Variants in NAF1 observed in about 807,000 individuals in gnomAD.
The protein encoded by NAF1 is H/ACA ribonucleoprotein complex non-core subunit NAF1.
In NAF1, 11 loss-of-function variants were observed where a neutral mutation model predicts 40.6. The observed-to-expected ratio is 0.27, with a 90% CI of 0.17 to 0.45. The LOEUF (loss-of-function observed/expected upper bound fraction) is 0.45. Ranked by LOEUF, NAF1 falls within the 20% of genes least tolerant of loss-of-function variation. The pLI, the probability that NAF1 is intolerant of heterozygous loss-of-function variation, is 1.00. For synonymous variants in NAF1, 260 were observed against 228.5 expected, an observed-to-expected ratio of 1.14 and a Z score of -1.24; for missense variants, 607 against 611.1, an observed-to-expected ratio of 0.99 and a Z score of 0.07.
At chr4:163,135,021 A>G (rs1731001942) in intron 6 of NAF1, 1 of 152,202 alleles carries the variant, frequency 6.6e-6, no homozygotes, top group African/African-American at 2.4e-5. Flanking sequence ...AATTAATTCA[A>G]ATTTCCATTC....
intron 2 of NAF1, among the ~76,000 whole-genome samples, chr4:163,157,919 T>C (rs1732054762): frequency 6.6e-6 from 1 of 152,108 alleles, no homozygotes; most frequent in Non-Finnish European, 1.5e-5. Flanking sequence ...GTAACATTTA[T>C]AATTTACAAC....
At position 163,166,581 on chromosome 4, in the gene NAF1, C is replaced by A; in HGVS notation, c.147G>T (p.Gly49=). The A allele has an allele frequency of 6.2e-7, 1 of 1,610,610 alleles. No homozygotes were observed. The highest frequency in any genetic ancestry group is 8.5e-7 in the Non-Finnish European group (1 of 1,179,040). The change falls in exon 1 of 8, where the codon GGG becomes GGT. Residue 49 remains glycine, a synonymous_variant. Coordinates refer to ENST00000274054, the MANE Select transcript of NAF1 (RefSeq NM_138386.3). ...CCACGGTCTGCCCAGCGTCCGGGGA[C>A]CCCTCAAACGACTGTAGCGGCGGCT... The part of the protein sequence containing the change: ...GTQPPLQSFE[G]SPDAGQTVEV...
chr4:163,115,639 A>G (rs962182248), intron 2 of NAF1, among the ~76,000 whole-genome samples: 2 of 152,194 alleles, frequency 1.3e-5, no homozygotes, highest in Non-Finnish European at 2.9e-5. Context: ...AAGGTTGGGC[A>G]GTATTTTTGC....
At chr4:163,126,219 T>C (rs199518625), downstream of NAF1, among the ~76,000 whole-genome samples, 2 of 152,214 alleles carry the variant, frequency 1.3e-5, no homozygotes, top group East Asian at 3.8e-4. Context: ...TGCAAGGCTA[T>C]AGCTGTCACA....
rs543840905 is a variant in NAF1 at position 163,115,010 on chromosome 4, T to C, written c.115-4720A>G. 3.9e-5 allele frequency among the ~76,000 whole-genome samples: 6 copies of C among 152,214 alleles called. No individual in the cohort carries two copies. The South Asian group carries it at 1.0e-3, about 26-fold the overall frequency. ...CATTTTATTGGCATAAAGTTATTCA[T>C]AATATCATCCTATTTCCTATGACGG... On this transcript the variant is annotated intron_variant, in intron 2 of 2. Coordinates refer to the NAF1 transcript ENST00000509434.
chr4:163,161,334 G>A (rs1006898170), intron 2 of NAF1, among the ~76,000 whole-genome samples: 2 of 152,228 alleles, frequency 1.3e-5, no homozygotes, highest in East Asian at 1.9e-4. Flanking sequence ...TTAGCAAGGC[G>A]TGGTGGTGGG....
intron 2 of NAF1, among the ~76,000 whole-genome samples, chr4:163,150,833 G>C (rs887402309): frequency 6.6e-6 from 1 of 152,036 alleles, no homozygotes; most frequent in African/African-American, 2.4e-5. Context: ...AATTTTGACA[G>C]TTACTGCTAA....
Position 163,130,969 on chromosome 4 carries a change from C to A in NAF1, c.1034-1621G>T, listed in dbSNP as rs571977424. Among the ~76,000 whole-genome samples, 50 of 152,318 alleles carry A rather than the reference C, an allele frequency of 3.3e-4. No homozygotes were observed. The South Asian group carries it at 7.3e-3, about 22-fold the overall frequency. The stretch of plus-strand genomic sequence containing the variant: ...TCTCAGCTCACTGCAACCTCCGCTG[C>A]CCGGGTCCCAGCTGACGCAATTCTC... On this transcript the variant is annotated intron_variant, in intron 7 of 7. Transcript: ENST00000274054.
Position 163,166,842 on chromosome 4 carries a change from A to T in NAF1, c.-115T>A. Reference sequence around the variant, plus strand: ...AACCGCAGCAACACTGCCTGGGCCCAACTTCCCGCGTTTCTCAGGTAACTA... The same window carrying T: ...AACCGCAGCAACACTGCCTGGGCCCTACTTCCCGCGTTTCTCAGGTAACTA... On this transcript the variant is annotated 5_prime_UTR_variant, in exon 1 of 8. Transcript: ENST00000274054. 1 of 1,393,346 alleles carries T rather than the reference A, an allele frequency of 7.2e-7. No individual in the cohort carries two copies. The highest frequency in any genetic ancestry group is 1.5e-5 in the South Asian group (1 of 67,816). 86.3% of individuals were successfully genotyped at this position (1,393,346 alleles called of 1,614,324 possible).
At chr4:163,122,006 C>G (rs1730531609), downstream of NAF1, among the ~76,000 whole-genome samples, 3 of 152,184 alleles carry the variant, frequency 2.0e-5, no homozygotes. Context: ...AAGCATTGAG[C>G]CAGTTTAACA....
At chr4:163,119,589 C>G (rs1730455962) in intron 2 of NAF1, 1 of 152,148 alleles carries the variant, frequency 6.6e-6, no homozygotes, top group South Asian at 2.1e-4. Context: ...GTCTTCTTAG[C>G]AAGACTAAAC....
chr4:163,110,238 C>A (rs1182686751), exon 3 of NAF1: 1 of 700,138 alleles, frequency 1.4e-6, no homozygotes, highest in Non-Finnish European at 2.6e-6. Flanking sequence ...GTACTCTCCC[C>A]TCATCTGTGC....
rs201172406 is a variant in NAF1, at chr4:163,115,199, A to ATTTTTTTTTTTTTTTTTTTTT, written c.115-4910_115-4909insAAAAAAAAAAAAAAAAAAAAA. 2.9e-5 allele frequency among the ~76,000 whole-genome samples: 3 copies of ATTTTTTTTTTTTTTTTTTTTT among 103,708 alleles called. 1 individual carries two copies. The highest frequency in any genetic ancestry group is 7.8e-5 in the African/African-American group (2 of 25,744). The allele number at this position is 103,708 out of a possible 152,430, so 68.0% of individuals were successfully genotyped here. A position where few individuals can be genotyped will look rare whatever the true frequency, so the allele number is the denominator to read the frequency against. On this transcript the variant is annotated intron_variant, in intron 2 of 2. Transcript: ENST00000509434. ...ATACTATTGGCGATATAGGACAATA[A>ATTTTTTTTTTTTTTTTTTTTT]TTTTTTTATTTATTTTTTTTTTTTT...
At chr4:163,125,773 T>C (rs1730637832), downstream of NAF1, among the ~76,000 whole-genome samples, 1 of 152,224 alleles carries the variant, frequency 6.6e-6, no homozygotes, top group African/African-American at 2.4e-5. Flanking sequence ...ATCTAGGATT[T>C]TCATAGCTGT....
Position 163,137,191 on chromosome 4 carries a change from A to G in NAF1, c.930+8T>C. On this transcript the variant is annotated splice_region_variant and intron_variant, in intron 6 of 7. Transcript: ENST00000274054. The stretch of plus-strand genomic sequence containing the variant: ...TATAAAATGTTGCATAAAAAGACTT[A>G]TACTTACCTCTGGTGGTGGTTCCTG... 2 of 1,612,406 alleles carry G rather than the reference A, an allele frequency of 1.2e-6. No homozygotes were observed.
chr4:163,125,424 C>T (rs886428824), downstream of NAF1, among the ~76,000 whole-genome samples: 1 of 152,198 alleles, frequency 6.6e-6, no homozygotes, highest in Non-Finnish European at 1.5e-5. Context: ...AGCAAAACAG[C>T]TTTACAGCAG....
intron 3 of NAF1, 46 bp downstream of exon 3, chr4:163,148,295 A>T: frequency 8.7e-7 from 1 of 1,151,670 alleles, no homozygotes; most frequent in Non-Finnish European, 1.2e-6. Flanking sequence ...TTCAATTATT[A>T]GTGTGTGTTT....
intron 2 of NAF1, among the ~76,000 whole-genome samples, chr4:163,149,157 A>G (rs1731594411): frequency 6.6e-6 from 1 of 152,226 alleles, no homozygotes; most frequent in Non-Finnish European, 1.5e-5. Context: ...GAATCTGAAG[A>G]GAAATCTAAG....
At chr4:163,151,965 A>T (rs966896714) in intron 2 of NAF1, among the ~76,000 whole-genome samples, 15 of 152,116 alleles carry the variant, frequency 9.9e-5, no homozygotes, top group African/African-American at 3.6e-4. Flanking sequence ...ATCATGCTGA[A>T]ATTTACTTTT....
Sources: allele counts gnomAD v4.1 joint callset (sites outside exome capture counted in the v4.1 genomes callset), GRCh38; gene constraint gnomAD v4.1.1; transcripts MANE v1.5; gene names NCBI Gene and HGNC (gene_info 2026-07-23, HGNC 2026-07-21).